The following RSRC2 variants were observed in gnomAD, a reference collection of about 807,000 sequenced individuals.
RSRC2 encodes the protein arginine and serine rich coiled-coil 2, also known as arginine/serine-rich coiled-coil protein 2.
In RSRC2, 5 loss-of-function variants were observed where a neutral mutation model predicts 61.3. The ratio of observed to expected loss-of-function variants is 0.08; its 90% CI spans 0.04 to 0.17. RSRC2 has a LOEUF of 0.17. RSRC2 is among the 10% of genes least tolerant of loss of function. RSRC2 has a pLI of 1.00. For missense variants in RSRC2, 381 were observed against 518.8 expected, an observed-to-expected ratio of 0.73 and a Z score of 2.58; for synonymous variants, 202 against 166.5, an observed-to-expected ratio of 1.21 and a Z score of -1.64.
Position 122,517,287 on chromosome 12 carries a change from C to G in RSRC2, c.542G>C (p.Arg181Pro). Residue 181 changes from arginine to proline, a missense_variant, in exon 5 of 10, where the codon CGC becomes CCC. Physicochemically the swap from Arg to Pro is moderately radical, Grantham distance 103. Around this residue, in one of 4 missense-constraint regions of RSRC2, gnomAD observed 266 missense variants for 270.5 expected, o/e 0.98. Transcript: ENST00000331738. Reference sequence around the variant, plus strand: ...CCTATGCCTGTGTCTTGATCTTGAGCGGGAACGAGACCTGATCCGCCGTTT... The same window carrying G: ...CCTATGCCTGTGTCTTGATCTTGAGGGGGAACGAGACCTGATCCGCCGTTT... ...ERKRRIRSRSRSRSRHRHRTR... is the reference protein window; with the variant it reads ...ERKRRIRSRSPSRSRHRHRTR... The G allele has an allele frequency of 6.2e-7, 1 of 1,614,098 alleles. No individual in the cohort carries two copies. Among genetic ancestry groups the G allele is most frequent in the Admixed American group, 1.7e-5 (1 of 60,002 alleles).
At chr12:122,526,664 C>A (rs2137594438) in intron 1 of RSRC2, among the ~76,000 whole-genome samples, 184 bp downstream of exon 1, 1 of 152,158 alleles carries the variant, frequency 6.6e-6, no homozygotes, top group Non-Finnish European at 1.5e-5. Context: ...GCTCCCCACC[C>A]CCACCAACAC....
chr12:122,512,339 G>A (rs1958584984), intron 6 of RSRC2, among the ~76,000 whole-genome samples: 1 of 152,212 alleles, frequency 6.6e-6, no homozygotes, highest in African/African-American at 2.4e-5. Context: ...CCTCTGTAAT[G>A]TGGTATAAAG....
At chr12:122,516,459 C>G (rs1336374872) in intron 5 of RSRC2, among the ~76,000 whole-genome samples, 2 of 152,144 alleles carry the variant, frequency 1.3e-5, no homozygotes, top group African/African-American at 4.8e-5. Context: ...TTAGATATAT[C>G]TGAAACCTGC....
At position 122,508,318 on chromosome 12, in the gene RSRC2, A is replaced by G; in HGVS notation, c.935T>C (p.Ile312Thr). The G allele has an allele frequency of 6.2e-7, 1 of 1,614,150 alleles. No individual in the cohort carries two copies. The highest frequency in any genetic ancestry group is 8.5e-7 in the Non-Finnish European group (1 of 1,180,026). Residue 312 changes from isoleucine to threonine, a missense_variant, in exon 8 of 10, where the codon ATA becomes ACA. Ile to Thr is a moderately conservative substitution (Grantham distance 89). Coordinates refer to ENST00000331738, the MANE Select transcript of RSRC2 (RefSeq NM_023012.6). The part of the protein sequence containing the change: ...LQAKALAETG[I>T]AVPSYYNPAA... Reference sequence around the variant, plus strand: ...TGGGTTATAGTAGCTAGGAACAGCTATTCCTGTCTCTGCCAAAGCTTTAGC... The same window carrying G: ...TGGGTTATAGTAGCTAGGAACAGCTGTTCCTGTCTCTGCCAAAGCTTTAGC...
chr12:122,505,935 C>A (rs985559356), intron 9 of RSRC2, among the ~76,000 whole-genome samples: 1 of 152,084 alleles, frequency 6.6e-6, no homozygotes, highest in African/African-American at 2.4e-5. Context: ...CATGCCACCA[C>A]GCCCAGCTAA....
In RSRC2 at chr12:122,507,257, T is replaced by C. The variant is rs564107368; in HGVS notation, c.1036-334A>G. The C allele has an allele frequency of 3.4e-5, 11 of 323,780 alleles. No homozygotes were observed. In the East Asian group the frequency reaches 5.9e-4, roughly 17 times the overall value. 20.1% of individuals were successfully genotyped at this position (323,780 alleles called of 1,614,324 possible). ...AGCCTGGCATGGTGGTGGGCACCTG[T>C]AGACCCAGGAGGGTCTCAGGAGTCT... On this transcript the variant is annotated intron_variant, in intron 8 of 9. Coordinates refer to ENST00000331738, the MANE Select transcript of RSRC2 (RefSeq NM_023012.6).
At chr12:122,508,165 A>G (rs764834880) in intron 8 of RSRC2, 53 bp downstream of exon 8, 2 of 1,514,336 alleles carry the variant, frequency 1.3e-6, no homozygotes, top group Non-Finnish European at 1.8e-6. Flanking sequence ...TTGTTTTTCT[A>G]AGCAATTACT....
chr12:122,516,152 G>GT (rs536020304), intron 5 of RSRC2, among the ~76,000 whole-genome samples: 137 of 152,194 alleles, frequency 9.0e-4, no homozygotes, highest in Non-Finnish European at 1.6e-3. Context: ...CCAAGTTACT[G>GT]TATTAAGTAC....
At chr12:122,512,476 C>G (rs896508776) in intron 6 of RSRC2, among the ~76,000 whole-genome samples, 2 of 152,124 alleles carry the variant, frequency 1.3e-5, no homozygotes, top group Admixed American at 1.3e-4. Flanking sequence ...GCCTGTAATT[C>G]CAACACTATG....
chr12:122,508,025 G>T, intron 8 of RSRC2, 193 bp downstream of exon 8: 1 of 638,614 alleles, frequency 1.6e-6, no homozygotes, highest in Non-Finnish European at 2.8e-6. Context: ...GCTGGTCTTG[G>T]ACTCCTTACC....
At position 122,514,444 on chromosome 12, in the gene RSRC2, T is replaced by C. The variant is rs1311603784; in HGVS notation, c.725+661A>G. 3.7e-5 allele frequency: 9 copies of C among 242,190 alleles called. No individual in the cohort carries two copies. The Admixed American group carries it at 5.9e-4, about 16-fold the overall frequency. 15.0% of individuals were successfully genotyped at this position (242,190 alleles called of 1,614,324 possible). A position where few individuals can be genotyped will look rare whatever the true frequency, so the allele number is the denominator to read the frequency against. Reference sequence around the variant, plus strand: ...CACGCCCAGCTAATTTTTGTATTTTTAGTAGAGATGGGGTTTCACCATGTT... The same window carrying C: ...CACGCCCAGCTAATTTTTGTATTTTCAGTAGAGATGGGGTTTCACCATGTT... On this transcript the variant is annotated intron_variant, in intron 6 of 9. Coordinates refer to ENST00000331738, the MANE Select transcript of RSRC2 (RefSeq NM_023012.6).
chr12:122,510,602 A>G lies in RSRC2; in HGVS notation c.805+507T>C, dbSNP rs532036732. Among the ~76,000 whole-genome samples, 7 of 152,332 alleles carry G rather than the reference A, an allele frequency of 4.6e-5. No individual in the cohort carries two copies. In the East Asian group the frequency reaches 1.2e-3, roughly 25 times the overall value. On this transcript the variant is annotated intron_variant, in intron 7 of 9. Coordinates refer to ENST00000331738, the MANE Select transcript of RSRC2 (RefSeq NM_023012.6). ...ACTCATTACTAATTTATCAACAAAA[A>G]TTATCCACATGGACCACATCAGAAA...
At chr12:122,526,393 C>A in intron 1 of RSRC2, 1 of 166,368 alleles carries the variant, frequency 6.0e-6, no homozygotes, top group Non-Finnish European at 1.3e-5. Context: ...AAAAAAATAG[C>A]TACAAGTCGC....
At position 122,506,813 on chromosome 12, in the gene RSRC2, C is replaced by T. The variant is rs765494019; in HGVS notation, c.1125+21G>A. ...GGGCTAATAGCTAATACAAAGATCC[C>T]CTGGCACATGTGAAACTCACCTTAA... On this transcript the variant is annotated intron_variant, in intron 9 of 9. Transcript: ENST00000331738. 3 of 1,408,984 alleles carry T rather than the reference C, an allele frequency of 2.1e-6. No homozygotes were observed. In the South Asian group the frequency reaches 3.5e-5, roughly 16 times the overall value. The allele number at this position is 1,408,984 out of a possible 1,614,324, so 87.3% of individuals were successfully genotyped here.
intron 8 of RSRC2, 80 bp downstream of exon 8, chr12:122,508,138 T>C: frequency 7.6e-7 from 1 of 1,313,898 alleles, no homozygotes; most frequent in Non-Finnish European, 1.1e-6. Flanking sequence ...CCGAAAGTAA[T>C]ATTTTTCAAC....
chr12:122,526,617 G>A (rs773234362), intron 1 of RSRC2, among the ~76,000 whole-genome samples: 2 of 152,032 alleles, frequency 1.3e-5, no homozygotes, highest in South Asian at 4.1e-4. Context: ...GGGGAAGAGA[G>A]GAGGAAAGTT....
chr12:122,516,215 A>T (rs990297719), intron 5 of RSRC2, among the ~76,000 whole-genome samples: 2 of 152,152 alleles, frequency 1.3e-5, no homozygotes, highest in African/African-American at 4.8e-5. Flanking sequence ...CCTAAGTTGC[A>T]ATCAATTTAC....
chr12:122,516,992 T>C (rs1958980696), intron 5 of RSRC2, among the ~76,000 whole-genome samples: 1 of 152,240 alleles, frequency 6.6e-6, no homozygotes. Flanking sequence ...CAACTGCATT[T>C]TAATAGGCCT....
chr12:122,522,301 TA>T lies in RSRC2; in HGVS notation c.7-3del, dbSNP rs777207459. ...TCCATCTCGCTCTGTATCACTAGCC[TA>T]AAAGTTTAAAAACAAATGATTAAAG... On this transcript the variant is annotated splice_region_variant and splice_polypyrimidine_tract_variant and intron_variant, in intron 1 of 9. Coordinates refer to ENST00000331738, the MANE Select transcript of RSRC2 (RefSeq NM_023012.6). 3.6e-5 allele frequency: 57 copies of T among 1,576,848 alleles called. No individual in the cohort carries two copies. In the African/African-American group the frequency reaches 5.5e-4, roughly 15 times the overall value.
Sources: gnomAD v4.1 joint callset for allele counts (sites outside exome capture counted in the v4.1 genomes callset) on GRCh38, gnomAD v4.1.1 for gene constraint, gnomAD v4.1.1 regional missense constraint, MANE v1.5 for transcripts, NCBI Gene and HGNC (gene_info 2026-07-23, HGNC 2026-07-21) for gene names.